Variants in PRKCSH observed in about 807,000 individuals in gnomAD.
PRKCSH encodes glucosidase 2 subunit beta.
A neutral mutation model predicts 79.7 loss-of-function variants in PRKCSH; 42 were observed. That is an observed-to-expected ratio of 0.53 (90% CI 0.41 to 0.68). The LOEUF is 0.68. Ranked by LOEUF, PRKCSH falls within the 30% of genes least tolerant of loss-of-function variation. The pLI, the probability that PRKCSH is intolerant of heterozygous loss-of-function variation, is 0.00. For synonymous variants in PRKCSH, 325 were observed against 288.2 expected (o/e 1.13, Z -1.29); for missense variants, 686 against 709.0 (o/e 0.97, Z 0.37).
intron 4 of PRKCSH, 47 bp downstream of exon 4, chr19:11,438,018 AG>A (rs1193014904): frequency 1.9e-6 from 3 of 1,613,760 alleles, no homozygotes; most frequent in Non-Finnish European, 1.7e-6. Context: ...AGAGGGAGGG[AG>A]GGAGGAGGCA....
chr19:11,447,272 G>T lies in PRKCSH; in HGVS notation c.849+112G>T. 7.1e-7 allele frequency: 1 copy of T among 1,399,308 alleles called. No homozygotes were observed. The highest frequency in any genetic ancestry group is 9.9e-7 in the Non-Finnish European group (1 of 1,008,182). The allele number at this position is 1,399,308 out of a possible 1,614,324, so 86.7% of individuals were successfully genotyped here. A position where few individuals can be genotyped will look rare whatever the true frequency, so the allele number is the denominator to read the frequency against. Reference sequence around the variant, plus strand: ...ACCTGGCCACCCTGGCCAGCTGGGTGGCCCCAGCACCCCCCACCGAGACCC... The same window carrying T: ...ACCTGGCCACCCTGGCCAGCTGGGTTGCCCCAGCACCCCCCACCGAGACCC... On this transcript the variant is annotated intron_variant, in intron 10 of 17. Coordinates refer to ENST00000677123, the MANE Select transcript of PRKCSH (RefSeq NM_001289104.2). The surrounding 1 kb of genome is among the most constrained non-coding windows in gnomAD (Gnocchi z 5.6).
At position 11,449,737 on chromosome 19, in the gene PRKCSH, G is replaced by C; in HGVS notation, c.*16+309G>C. ...TTTAGTAGAGATGGGGTTTCACCAT[G>C]TTGGCCTGGATGGTCTCGAACTCCT... On this transcript the variant is annotated intron_variant, in intron 17 of 17. Transcript: ENST00000677123. The surrounding 1 kb of genome is among the most constrained non-coding windows in gnomAD (Gnocchi z 6.4). 2.5e-6 allele frequency: 1 copy of C among 396,920 alleles called. No individual in the cohort carries two copies. Among genetic ancestry groups the C allele is most frequent in the Non-Finnish European group, 4.8e-6 (1 of 209,184 alleles). The allele number at this position is 396,920 out of a possible 1,614,324, so 24.6% of individuals were successfully genotyped here.
At position 11,442,402 on chromosome 19, in the gene PRKCSH, T is replaced by C; in HGVS notation, c.485T>C (p.Leu162Pro). 1 of 1,606,842 alleles carries C rather than the reference T, an allele frequency of 6.2e-7. No homozygotes were observed. ...CCCACCCAGAAAAAGCTCATTGAGC[T>C]ACAGGCTGGGAAGAAGTCTCTGGAA... Reference protein sequence around the residue: ...REEKQKKLIELQAGKKSLEDQ... With the variant: ...REEKQKKLIEPQAGKKSLEDQ... Residue 162 changes from leucine (L) to proline (P), a missense_variant, in exon 7 of 18, where the codon CTA (leucine) becomes CCA (proline). Physicochemically the swap from Leu to Pro is moderately conservative, Grantham distance 98. Around this residue, in one of 2 missense-constraint regions of PRKCSH, gnomAD observed 549 missense variants for 520.2 expected, o/e 1.06. Transcript: ENST00000677123.
intron 1 of PRKCSH, 72 bp downstream of exon 1, chr19:11,435,778 G>A (rs78515852): frequency 3.6e-6 from 5 of 1,397,278 alleles, no homozygotes; most frequent in East Asian, 3.6e-5. Context: ...GCATGTGTGG[G>A]TGTGGACGGC....
At position 11,438,125 on chromosome 19, in the gene PRKCSH, G is replaced by A. The variant is rs111975648; in HGVS notation, c.350+1G>A. ...GCGTCATCTGTGAGAACACCTGCAA[G>A]TACGTGGGTGACAGTACCCCTCCCA... On this transcript the variant is annotated splice_donor_variant, in intron 5 of 17. Transcript: ENST00000677123. LOFTEE classifies it high-confidence loss of function. The A allele has an allele frequency of 6.2e-7, 1 of 1,614,040 alleles. No homozygotes were observed. Among genetic ancestry groups the A allele is most frequent in the Non-Finnish European group, 8.5e-7 (1 of 1,179,978 alleles).
Position 11,448,102 on chromosome 19 carries a change from T to C in PRKCSH, c.1127-120T>C. The C allele has an allele frequency of 9.1e-7, 1 of 1,104,396 alleles. No individual in the cohort carries two copies. Among genetic ancestry groups the C allele is most frequent in the Non-Finnish European group, 1.3e-6 (1 of 742,608 alleles). 68.4% of individuals were successfully genotyped at this position (1,104,396 alleles called of 1,614,324 possible). A position where few individuals can be genotyped will look rare whatever the true frequency, so the allele number is the denominator to read the frequency against. ...GGTGAGGCCCTCAAGGCTGTCGGGG[T>C]GAAGTCCTTGGCCAGAGCAAAATGA... On this transcript the variant is annotated intron_variant, in intron 12 of 17. Coordinates refer to ENST00000677123, the MANE Select transcript of PRKCSH (RefSeq NM_001289104.2). The surrounding 1 kb of genome is among the most constrained non-coding windows in gnomAD (Gnocchi z 4.4).
intron 5 of PRKCSH, among the ~76,000 whole-genome samples, chr19:11,438,943 T>G (rs1969915972): frequency 6.6e-6 from 1 of 151,828 alleles, no homozygotes; most frequent in African/African-American, 2.4e-5. Flanking sequence ...GGTCTCACTC[T>G]GTCGCCCAGG....
rs369787038 is a variant in PRKCSH, at chr19:11,449,046, C to T, written c.1362-30C>T. ...CTCCTCCTGGTGCCCCGACACCGGC[C>T]CAGCCCTCAGCACCCTGTGTCTCTC... On this transcript the variant is annotated intron_variant, in intron 15 of 17. Transcript: ENST00000677123. This position sits in a 1 kb window ranked among gnomAD's most constrained non-coding sequence, Gnocchi z 6.4. 6.2e-7 allele frequency: 1 copy of T among 1,613,148 alleles called. No individual in the cohort carries two copies. The highest frequency in any genetic ancestry group is 8.5e-7 in the Non-Finnish European group (1 of 1,179,918).
Position 11,448,139 on chromosome 19 carries a change from C to A in PRKCSH, c.1127-83C>A. ...CCAGAGCAAAATGAGGGTATGGGAG[C>A]ACACAGCCACATCCATGGAACCCCG... is the stretch of plus-strand genomic sequence containing the variant. On this transcript the variant is annotated intron_variant, in intron 12 of 17. Coordinates refer to ENST00000677123, the MANE Select transcript of PRKCSH (RefSeq NM_001289104.2). The surrounding 1 kb of genome is among the most constrained non-coding windows in gnomAD (Gnocchi z 4.4). 1 of 1,382,422 alleles carries A rather than the reference C, an allele frequency of 7.2e-7. No individual in the cohort carries two copies. The highest frequency in any genetic ancestry group is 1.0e-6 in the Non-Finnish European group (1 of 994,140). The allele number at this position is 1,382,422 out of a possible 1,614,324, so 85.6% of individuals were successfully genotyped here.
intron 6 of PRKCSH, 89 bp downstream of exon 6, chr19:11,441,446 T>C: frequency 8.2e-7 from 1 of 1,219,474 alleles, no homozygotes; most frequent in Non-Finnish European, 1.2e-6. Flanking sequence ...GGTTTGCCCC[T>C]GACTGCTGTT....
rs567626255 is a variant in PRKCSH, at chr19:11,436,880, CAG to C, written c.196+376_196+377del. On this transcript the variant is annotated intron_variant, in intron 3 of 17. Coordinates refer to ENST00000677123, the MANE Select transcript of PRKCSH (RefSeq NM_001289104.2). ...TTTGTTTTTGTGTGTTTTGAAGAGACAGGGTCTTGCTTTGTTGCTGAGGCTGG... is the reference window on the plus strand; with the variant it reads ...TTTGTTTTTGTGTGTTTTGAAGAGACGGTCTTGCTTTGTTGCTGAGGCTGG... 9.7e-4 allele frequency among the ~76,000 whole-genome samples: 147 copies of C among 152,298 alleles called. 1 individual carries two copies. Among genetic ancestry groups the C allele is most frequent in the African/African-American group, 3.4e-3 (141 of 41,564 alleles).
chr19:11,446,467 G>A (rs1159996065), intron 9 of PRKCSH, 117 bp downstream of exon 9: 18 of 1,249,514 alleles, frequency 1.4e-5, no homozygotes, highest in Non-Finnish European at 1.9e-5. Flanking sequence ...CCTCCTCTGG[G>A]TGAGCTGGGA....
chr19:11,439,600 CTTTT>C (rs1482402415), intron 5 of PRKCSH, among the ~76,000 whole-genome samples: 1 of 66,496 alleles, frequency 1.5e-5, no homozygotes, highest in Non-Finnish European at 3.2e-5. Context: ...AAAAATTTTT[CTTTT>C]CTTTTTTTTT....
intron 5 of PRKCSH, among the ~76,000 whole-genome samples, chr19:11,439,741 C>CTGAGTAGCCTTAG (rs1222181411): frequency 2.0e-5 from 3 of 150,548 alleles, no homozygotes; most frequent in Admixed American, 6.7e-5. Flanking sequence ...CTGCCTTAGC[C>CTGAGTAGCCTTAG]TCCTGAGTAG....
In PRKCSH at chr19:11,448,847, G is replaced by T; in HGVS notation, c.1287-67G>T. 6.3e-7 allele frequency: 1 copy of T among 1,580,062 alleles called. No individual in the cohort carries two copies. The highest frequency in any genetic ancestry group is 1.1e-5 in the South Asian group (1 of 90,388). ...TGTGTGGGGACTGGAGGAGGCGGTG[G>T]GGGGTGGCTGTGGGAGGAGGCTGGA... is the stretch of plus-strand genomic sequence containing the variant. On this transcript the variant is annotated intron_variant, in intron 14 of 17. Coordinates refer to ENST00000677123, the MANE Select transcript of PRKCSH (RefSeq NM_001289104.2). The surrounding 1 kb of genome is among the most constrained non-coding windows in gnomAD (Gnocchi z 4.4).
At chr19:11,442,225 C>T (rs1055213009) in intron 6 of PRKCSH, among the ~76,000 whole-genome samples, 161 bp from the exon 7 acceptor site, 6 of 152,152 alleles carry the variant, frequency 3.9e-5, no homozygotes, top group African/African-American at 1.4e-4. Flanking sequence ...GGGCTTCTCT[C>T]CAGAGGGCTA....
chr19:11,445,571 T>A, intron 8 of PRKCSH, 98 bp downstream of exon 8: 1 of 1,212,258 alleles, frequency 8.2e-7, no homozygotes, highest in African/African-American at 1.5e-5. Flanking sequence ...CCTCCTTGGG[T>A]TCCCCCGGCG....
At chr19:11,443,941 A>T (rs973743630) in intron 7 of PRKCSH, among the ~76,000 whole-genome samples, 1 of 151,972 alleles carries the variant, frequency 6.6e-6, no homozygotes, top group Non-Finnish European at 1.5e-5. Context: ...ACAGCCGGCT[A>T]ATTTTTGTAG....
chr19:11,438,834 C>T (rs1054562108), intron 5 of PRKCSH, among the ~76,000 whole-genome samples: 2 of 151,632 alleles, frequency 1.3e-5, no homozygotes, highest in African/African-American at 4.8e-5. Flanking sequence ...GGGATTGTGG[C>T]ATCTAGGGGA....
Sources: allele counts gnomAD v4.1 joint callset (sites outside exome capture counted in the v4.1 genomes callset), GRCh38; gene constraint gnomAD v4.1.1; regional missense constraint gnomAD v4.1.1; non-coding constraint Gnocchi (gnomAD v3.1); transcripts MANE v1.5; gene names NCBI Gene and HGNC (gene_info 2026-07-23, HGNC 2026-07-21).